BIRC6: variants seen among roughly 807,000 people sequenced by gnomAD.
The protein encoded by BIRC6 is baculoviral IAP repeat containing 6, also known as dual E2 ubiquitin-conjugating enzyme/E3 ubiquitin-protein ligase BIRC6.
In BIRC6, 98 loss-of-function variants were observed where a neutral mutation model predicts 503.3. That is an observed-to-expected ratio of 0.19 (90% confidence interval 0.17 to 0.23). The LOEUF is 0.23. Among genes scored for constraint, BIRC6 ranks in the 10% least tolerant of loss-of-function variants. BIRC6 has a pLI of 1.00. For missense variants in BIRC6, 5,360 were observed against 5,806.0 expected, an observed-to-expected ratio of 0.92 and a Z score of 2.50; for synonymous variants, 2,240 against 2,078.7, an observed-to-expected ratio of 1.08 and a Z score of -2.11.
At chr2:32,595,916 A>T (rs970988134) in intron 68 of BIRC6, among the ~76,000 whole-genome samples, 1 of 152,190 alleles carries the variant, frequency 6.6e-6, no homozygotes, top group African/African-American at 2.4e-5. Context: ...GTGTCTAATG[A>T]TATTACAGCC....
At chr2:32,426,340 C>T (rs530798774) in intron 10 of BIRC6, among the ~76,000 whole-genome samples, 17 of 152,356 alleles carry the variant, frequency 1.1e-4, no homozygotes, top group Non-Finnish European at 1.9e-4. Flanking sequence ...TGGTGGCTTA[C>T]GCCTGTAATC....
chr2:32,602,100 A>G (rs1160848441), intron 70 of BIRC6, among the ~76,000 whole-genome samples: 1 of 152,242 alleles, frequency 6.6e-6, no homozygotes, highest in Non-Finnish European at 1.5e-5. Flanking sequence ...ATATATATCC[A>G]AGGGAAATAA....
chr2:32,550,588 G>A (rs1271115940), intron 65 of BIRC6, among the ~76,000 whole-genome samples: 1 of 151,846 alleles, frequency 6.6e-6, no homozygotes, highest in Non-Finnish European at 1.5e-5. Context: ...ATTGAATAGG[G>A]TGCGATAGGT....
chr2:32,538,170 G>T (rs1331167657), intron 61 of BIRC6, among the ~76,000 whole-genome samples: 1 of 152,066 alleles, frequency 6.6e-6, no homozygotes, highest in Non-Finnish European at 1.5e-5. Flanking sequence ...AGTCATATTG[G>T]CTGGAGTTTG....
At chr2:32,410,332 C>A (rs957983384) in intron 9 of BIRC6, among the ~76,000 whole-genome samples, 1 of 152,138 alleles carries the variant, frequency 6.6e-6, no homozygotes, top group Non-Finnish European at 1.5e-5. Flanking sequence ...AAAACCACCT[C>A]AGTCAGCCTT....
At chr2:32,567,662 G>A (rs1236574927) in intron 65 of BIRC6, among the ~76,000 whole-genome samples, 1 of 152,230 alleles carries the variant, frequency 6.6e-6, no homozygotes. Context: ...CTATTTAGCT[G>A]CTTGTGCAAC....
chr2:32,371,215 C>CAAA (rs1179033406), intron 1 of BIRC6, among the ~76,000 whole-genome samples: 12 of 28,690 alleles, frequency 4.2e-4, no homozygotes, highest in East Asian at 1.4e-3. Flanking sequence ...GACCCTGTCT[C>CAAA]AAAAAAAAAA....
At chr2:32,522,265 G>T (rs562935850) in intron 57 of BIRC6, 24 of 152,008 alleles carry the variant, frequency 1.6e-4, no homozygotes, top group African/African-American at 5.5e-4. Context: ...TTTGCCTGGA[G>T]AATTTTCTTG....
At chr2:32,498,295 G>A (rs948256127) in intron 45 of BIRC6, among the ~76,000 whole-genome samples, 1 of 152,144 alleles carries the variant, frequency 6.6e-6, no homozygotes. Flanking sequence ...GAACTCCTGA[G>A]CTCAAGCAAT....
chr2:32,488,470 GTTTA>G, intron 41 of BIRC6, 114 bp from the exon 42 acceptor site: 1 of 813,456 alleles, frequency 1.2e-6, no homozygotes. Flanking sequence ...GTGAAGAAGT[GTTTA>G]ATAGAAAAGG....
At chr2:32,390,866 C>CTTTT (rs1182485646) in intron 4 of BIRC6, among the ~76,000 whole-genome samples, 3 of 152,096 alleles carry the variant, frequency 2.0e-5, no homozygotes, top group African/African-American at 7.2e-5. Flanking sequence ...TTTGTTGTTA[C>CTTTT]ATATATAACT....
At chr2:32,545,123 T>G (rs2057966266) in intron 62 of BIRC6, among the ~76,000 whole-genome samples, 1 of 152,132 alleles carries the variant, frequency 6.6e-6, no homozygotes, top group South Asian at 2.1e-4. Context: ...TTAAAAAGGA[T>G]AGTTATGATA....
intron 60 of BIRC6, 81 bp downstream of exon 60, chr2:32,529,905 C>T: frequency 4.3e-6 from 4 of 931,064 alleles, no homozygotes; most frequent in Non-Finnish European, 5.8e-6. Context: ...ACTTAATTGA[C>T]TTGTGTTTTT....
intron 31 of BIRC6, 54 bp downstream of exon 31, chr2:32,470,355 C>A (rs1027369048): frequency 1.1e-5 from 15 of 1,390,328 alleles, no homozygotes; most frequent in Non-Finnish European, 1.4e-5. Flanking sequence ...GCAAATATTT[C>A]TTTTATAAAA....
chr2:32,370,954 T>G (rs2035848957), intron 1 of BIRC6, among the ~76,000 whole-genome samples: 1 of 152,162 alleles, frequency 6.6e-6, no homozygotes, highest in Admixed American at 6.5e-5. Context: ...GTACATTATT[T>G]CTTAAAGTAT....
intron 66 of BIRC6, among the ~76,000 whole-genome samples, chr2:32,576,708 G>C (rs943071844): frequency 2.0e-5 from 3 of 152,078 alleles, no homozygotes; most frequent in African/African-American, 4.8e-5. Flanking sequence ...CCTTGTGAAG[G>C]AATTCTGACT....
intron 66 of BIRC6, among the ~76,000 whole-genome samples, chr2:32,584,657 A>C (rs2060909441): frequency 6.6e-6 from 1 of 152,256 alleles, no homozygotes; most frequent in Non-Finnish European, 1.5e-5. Flanking sequence ...GTTTGAATGA[A>C]AATGGTTGAT....
At chr2:32,464,462 A>C in intron 24 of BIRC6, 47 bp from the exon 25 acceptor site, 1 of 1,488,786 alleles carries the variant, frequency 6.7e-7, no homozygotes, top group Non-Finnish European at 9.0e-7. Flanking sequence ...GCCACAATTT[A>C]GGTAGGCAGG....
At chr2:32,374,537 A>G (rs1162558437) in intron 1 of BIRC6, among the ~76,000 whole-genome samples, 2 of 147,274 alleles carry the variant, frequency 1.4e-5, no homozygotes, top group African/African-American at 2.5e-5. Flanking sequence ...CAGTGGCGTG[A>G]TCTTGGCTCA....
Sources: allele counts gnomAD v4.1 joint callset (sites outside exome capture counted in the v4.1 genomes callset), GRCh38; gene constraint gnomAD v4.1.1; transcripts MANE v1.5; gene names NCBI Gene and HGNC (gene_info 2026-07-23, HGNC 2026-07-21).